The following TAFA1 variants were observed in gnomAD, a reference collection of about 807,000 sequenced individuals.
TAFA1 encodes chemokine-like protein TAFA-1.
TAFA1 carries 4 observed loss-of-function variants against 18.5 expected under a neutral mutation model. The ratio of observed to expected loss-of-function variants is 0.22; its 90% CI spans 0.11 to 0.49. The LOEUF is 0.49. Ranked by LOEUF, TAFA1 falls within the 20% of genes least tolerant of loss-of-function variation. The pLI, the probability that TAFA1 is intolerant of heterozygous loss-of-function variation, is 0.98. For missense variants in TAFA1, 147 were observed against 169.0 expected, an observed-to-expected ratio of 0.87 and a Z score of 0.72; for synonymous variants, 56 against 55.2, an observed-to-expected ratio of 1.01 and a Z score of -0.06.
chr3:68,212,670 C>T (rs1355693862), intron 2 of TAFA1, among the ~76,000 whole-genome samples: 1 of 151,952 alleles, frequency 6.6e-6, no homozygotes, highest in Admixed American at 6.6e-5. Context: ...TGTACTTTAC[C>T]TGAAATTCCT....
chr3:68,074,127 T>C (rs1019228568), intron 2 of TAFA1, among the ~76,000 whole-genome samples: 2 of 152,166 alleles, frequency 1.3e-5, no homozygotes, highest in Non-Finnish European at 1.5e-5. Context: ...TCATACGGAT[T>C]GCACAATCTA....
At chr3:68,481,311 G>A (rs1423666609) in intron 3 of TAFA1, among the ~76,000 whole-genome samples, 1 of 152,158 alleles carries the variant, frequency 6.6e-6, no homozygotes, top group Admixed American at 6.5e-5. Context: ...ACCTTACTAT[G>A]ACAATGGATT....
At chr3:68,384,076 C>T (rs116346465) in intron 2 of TAFA1, among the ~76,000 whole-genome samples, 1,531 of 151,720 alleles carry the variant, frequency 0.01, 6 homozygotes, top group Non-Finnish European at 0.016. Flanking sequence ...CTCTTTTCTT[C>T]TTTATTAGTC....
Position 68,222,081 on chromosome 3 carries a change from A to G in TAFA1, c.119-195199A>G, listed in dbSNP as rs141441227. 1.1e-3 allele frequency among the ~76,000 whole-genome samples: 166 copies of G among 152,294 alleles called. 1 individual carries two copies. The highest frequency in any genetic ancestry group is 3.6e-3 in the African/African-American group (149 of 41,560). On this transcript the variant is annotated intron_variant, in intron 2 of 4. Coordinates refer to ENST00000478136, the MANE Select transcript of TAFA1 (RefSeq NM_213609.4). ...TTATACTTTCATAATTCTATTGAGG[A>G]TGAGAGGAGTAGAAGAGAAAGCCTT...
chr3:68,054,699 C>A (rs567215083), intron 2 of TAFA1, among the ~76,000 whole-genome samples: 1 of 152,324 alleles, frequency 6.6e-6, no homozygotes, highest in Non-Finnish European at 1.5e-5. Flanking sequence ...GTATGGCCTG[C>A]AAGGCCTAAA....
intron 3 of TAFA1, among the ~76,000 whole-genome samples, chr3:68,419,818 TTAAGAAAA>T (rs911659409): frequency 3.3e-5 from 5 of 152,232 alleles, no homozygotes; most frequent in Non-Finnish European, 7.4e-5. Context: ...AGGAAGTATT[TTAAGAAAA>T]TAAAGGAATC....
At chr3:68,482,837 C>T (rs903735646) in intron 3 of TAFA1, among the ~76,000 whole-genome samples, 1 of 152,134 alleles carries the variant, frequency 6.6e-6, no homozygotes, top group Non-Finnish European at 1.5e-5. Flanking sequence ...TTTGAGCTAA[C>T]ATTAGGGGAA....
In TAFA1 at chr3:68,026,836, A is replaced by T. The variant is rs890477070; in HGVS notation, c.118+20092A>T. On this transcript the variant is annotated intron_variant, in intron 2 of 4. Coordinates refer to ENST00000478136, the MANE Select transcript of TAFA1 (RefSeq NM_213609.4). Reference sequence around the variant, plus strand: ...AATTCATTCTTGCATTGCTATAAAGAAATATCTGAGCCTGGATAATTTATA... The same window carrying T: ...AATTCATTCTTGCATTGCTATAAAGTAATATCTGAGCCTGGATAATTTATA... Among the ~76,000 whole-genome samples the T allele has an allele frequency of 3.9e-5, 6 of 152,188 alleles. No individual in the cohort carries two copies. In the East Asian group the frequency reaches 9.6e-4, roughly 24 times the overall value.
chr3:68,125,264 G>C (rs1034770740), intron 2 of TAFA1, among the ~76,000 whole-genome samples: 1 of 152,274 alleles, frequency 6.6e-6, no homozygotes, highest in Non-Finnish European at 1.5e-5. Context: ...TGGTACTTAC[G>C]TTACTGAATT....
chr3:68,364,765 T>A (rs1242375479), intron 2 of TAFA1, among the ~76,000 whole-genome samples: 1 of 152,182 alleles, frequency 6.6e-6, no homozygotes, highest in Non-Finnish European at 1.5e-5. Context: ...CAGGCAGAAT[T>A]CTAAGAACTT....
intron 3 of TAFA1, among the ~76,000 whole-genome samples, chr3:68,497,857 G>C (rs1382310531): frequency 6.6e-6 from 1 of 152,164 alleles, no homozygotes; most frequent in Non-Finnish European, 1.5e-5. Flanking sequence ...AGGTGGAAGA[G>C]GATAATAGCT....
chr3:68,334,634 C>T (rs1000354338), intron 2 of TAFA1, among the ~76,000 whole-genome samples: 1 of 152,094 alleles, frequency 6.6e-6, no homozygotes, highest in African/African-American at 2.4e-5. Context: ...GAACTGATAC[C>T]AGTGCTGCTT....
chr3:68,045,342 G>A (rs1705245941), intron 2 of TAFA1, among the ~76,000 whole-genome samples: 1 of 152,128 alleles, frequency 6.6e-6, no homozygotes, highest in Non-Finnish European at 1.5e-5. Context: ...TCAGAGGTGG[G>A]GCATTACATT....
intron 3 of TAFA1, among the ~76,000 whole-genome samples, chr3:68,533,755 A>G (rs905135711): frequency 3.9e-5 from 6 of 152,142 alleles, no homozygotes; most frequent in African/African-American, 1.4e-4. Flanking sequence ...GAGTGAGACC[A>G]TGCAGAGAGA....
At chr3:68,035,185 C>T (rs1575584680) in intron 2 of TAFA1, among the ~76,000 whole-genome samples, 1 of 152,286 alleles carries the variant, frequency 6.6e-6, no homozygotes. Flanking sequence ...TATAATTAGA[C>T]TTTTATTTCC....
chr3:68,275,829 CTT>C (rs899087861), intron 2 of TAFA1, among the ~76,000 whole-genome samples: 1 of 152,066 alleles, frequency 6.6e-6, no homozygotes, highest in Non-Finnish European at 1.5e-5. Flanking sequence ...GGACTCGGGA[CTT>C]GAGTTCAAAT....
intron 2 of TAFA1, among the ~76,000 whole-genome samples, chr3:68,076,971 T>A (rs2064832992): frequency 6.6e-6 from 1 of 152,146 alleles, no homozygotes; most frequent in Admixed American, 6.5e-5. Context: ...CAGCACCTGT[T>A]GTTTCCTGAC....
chr3:68,357,092 C>T (rs976459873), intron 2 of TAFA1, among the ~76,000 whole-genome samples: 1 of 151,902 alleles, frequency 6.6e-6, no homozygotes, highest in African/African-American at 2.4e-5. Context: ...TTGCCAATCA[C>T]ACTGTAAACT....
intron 2 of TAFA1, among the ~76,000 whole-genome samples, chr3:68,385,979 G>T (rs557752144): frequency 6.6e-6 from 1 of 151,924 alleles, no homozygotes; most frequent in African/African-American, 2.4e-5. Flanking sequence ...TAATATATTA[G>T]TGTTAACTCT....
Sources: allele counts gnomAD v4.1 joint callset (sites outside exome capture counted in the v4.1 genomes callset), GRCh38; gene constraint gnomAD v4.1.1; transcripts MANE v1.5; gene names NCBI Gene and HGNC (gene_info 2026-07-23, HGNC 2026-07-21).